MACROD2: variants seen among roughly 807,000 people sequenced by gnomAD.
MACROD2 encodes mono-ADP ribosylhydrolase 2, also known as ADP-ribose glycohydrolase MACROD2.
In MACROD2, 36 loss-of-function variants were observed where a neutral mutation model predicts 70.4. That is an observed-to-expected ratio of 0.51 (90% CI 0.39 to 0.68). MACROD2 has a LOEUF of 0.68. Among genes scored for constraint, MACROD2 ranks in the 30% least tolerant of loss-of-function variants. MACROD2 has a pLI of 0.00. For missense variants in MACROD2, 496 were observed against 538.4 expected (o/e 0.92, Z 0.78); for synonymous variants, 172 against 178.8 (o/e 0.96, Z 0.30).
At chr20:15,166,618 A>G (rs1056665826) in intron 5 of MACROD2, among the ~76,000 whole-genome samples, 1 of 152,178 alleles carries the variant, frequency 6.6e-6, no homozygotes, top group Non-Finnish European at 1.5e-5. Context: ...AAACAAAAAA[A>G]AAGTATAAAA....
At chr20:15,014,666 A>G (rs1197776950) in intron 5 of MACROD2, among the ~76,000 whole-genome samples, 2 of 152,082 alleles carry the variant, frequency 1.3e-5, no homozygotes, top group Non-Finnish European at 2.9e-5. Flanking sequence ...CTTCCAGTTA[A>G]TTGTGTGTGA....
intron 2 of MACROD2, among the ~76,000 whole-genome samples, chr20:14,077,938 T>G (rs2053936005): frequency 6.6e-6 from 1 of 151,080 alleles, no homozygotes; most frequent in Non-Finnish European, 1.5e-5. Context: ...GTTTCACTCC[T>G]GTTTCCCAGG....
At chr20:14,096,350 ATAAG>A (rs1488918483) in intron 3 of MACROD2, among the ~76,000 whole-genome samples, 1 of 150,494 alleles carries the variant, frequency 6.6e-6, no homozygotes, top group African/African-American at 2.5e-5. Flanking sequence ...GGACCTAGAT[ATAAG>A]TTATTTTACC....
intron 15 of MACROD2, among the ~76,000 whole-genome samples, chr20:16,034,518 C>T (rs6080101): frequency 0.32 from 49,185 of 151,704 alleles, 8,183 homozygotes; most frequent in East Asian, 0.49. Flanking sequence ...TTCTTCCATC[C>T]GAGCTTGGGA....
chr20:15,003,215 C>G (rs2075009273), intron 5 of MACROD2, among the ~76,000 whole-genome samples: 1 of 152,138 alleles, frequency 6.6e-6, no homozygotes, highest in Non-Finnish European at 1.5e-5. Context: ...TGGCATAATC[C>G]TATGAACCTC....
At chr20:14,940,853 T>G (rs1294790073) in intron 5 of MACROD2, among the ~76,000 whole-genome samples, 2 of 152,150 alleles carry the variant, frequency 1.3e-5, no homozygotes, top group Non-Finnish European at 2.9e-5. Flanking sequence ...GCCTGTAGTT[T>G]TCTTTGTTTG....
chr20:15,507,649 A>G (rs1161451333), intron 8 of MACROD2, among the ~76,000 whole-genome samples: 1 of 152,112 alleles, frequency 6.6e-6, no homozygotes, highest in African/African-American at 2.4e-5. Context: ...CTAATCCCCA[A>G]GGCAGCTTCT....
At chr20:14,485,106 C>T (rs2084706967) in intron 3 of MACROD2, among the ~76,000 whole-genome samples, 1 of 151,838 alleles carries the variant, frequency 6.6e-6, no homozygotes, top group Admixed American at 6.6e-5. Flanking sequence ...TATAAGGATC[C>T]CCTTTTTAAA....
At chr20:14,396,740 G>A (rs4814298) in intron 3 of MACROD2, among the ~76,000 whole-genome samples, 148,579 of 151,726 alleles carry the variant, frequency 0.98, 72,826 homozygotes, top group Middle Eastern at 1. Flanking sequence ...CCTGCCTAAC[G>A]CGGTGAAACC....
chr20:15,572,886 T>C (rs2048394660), intron 8 of MACROD2, among the ~76,000 whole-genome samples: 2 of 152,112 alleles, frequency 1.3e-5, no homozygotes, highest in Admixed American at 1.3e-4. Context: ...TGCAAGTAAA[T>C]CAATTTTTAA....
At chr20:14,862,618 TATATATATATAA>T (rs1485728014) in intron 5 of MACROD2, among the ~76,000 whole-genome samples, 2 of 15,238 alleles carry the variant, frequency 1.3e-4, no homozygotes, top group African/African-American at 2.1e-4. Flanking sequence ...TATATATAAA[TATATATATATAA>T]ATATATATAT....
intron 4 of MACROD2, among the ~76,000 whole-genome samples, chr20:14,663,059 A>G (rs912754276): frequency 3.3e-5 from 5 of 152,178 alleles, no homozygotes; most frequent in Non-Finnish European, 5.9e-5. Flanking sequence ...ACTATTCATA[A>G]TAGCAAACAC....
intron 3 of MACROD2, among the ~76,000 whole-genome samples, chr20:14,341,329 T>A (rs1387637850): frequency 1.3e-5 from 2 of 152,184 alleles, no homozygotes; most frequent in Non-Finnish European, 2.9e-5. Flanking sequence ...GAATAAAATC[T>A]TCAAAATTGT....
Position 15,184,401 on chromosome 20 carries a change from C to T in MACROD2, c.419-45539C>T, listed in dbSNP as rs140299966. ...TTTTACCCACATGTGTCAGTCAGAA[C>T]AGGGTAGTTGCTATAATAAACAACC... is the stretch of plus-strand genomic sequence containing the variant. On this transcript the variant is annotated intron_variant, in intron 5 of 17. Coordinates refer to ENST00000684519, the MANE Select transcript of MACROD2 (RefSeq NM_001351661.2). Among the ~76,000 whole-genome samples, 87 of 152,312 alleles carry T rather than the reference C, an allele frequency of 5.7e-4. 1 individual carries two copies. The highest frequency in any genetic ancestry group is 1.9e-3 in the African/African-American group (79 of 41,568).
chr20:14,234,266 A>T (rs532272783), intron 3 of MACROD2, among the ~76,000 whole-genome samples: 13 of 152,318 alleles, frequency 8.5e-5, no homozygotes, highest in Admixed American at 3.9e-4. Flanking sequence ...AAAAAAAGTT[A>T]AAAAACCATG....
chr20:15,364,643 G>T (rs1277540917), intron 6 of MACROD2, among the ~76,000 whole-genome samples: 5 of 152,138 alleles, frequency 3.3e-5, no homozygotes, highest in African/African-American at 1.2e-4. Context: ...AATGTGAATG[G>T]TCTCTCAAAT....
intron 5 of MACROD2, among the ~76,000 whole-genome samples, chr20:15,129,883 A>G (rs1202913046): frequency 6.6e-6 from 1 of 152,068 alleles, no homozygotes; most frequent in East Asian, 1.9e-4. Context: ...TGAGTCACTC[A>G]GGTGGGCAGA....
intron 12 of MACROD2, among the ~76,000 whole-genome samples, chr20:15,952,773 T>G (rs1485960577): frequency 1.3e-5 from 2 of 152,102 alleles, no homozygotes; most frequent in Admixed American, 1.3e-4. Context: ...TGGATGATAT[T>G]GTTTGTATTT....
In MACROD2 at chr20:15,986,733, A is replaced by C. The variant is rs1221827454; in HGVS notation, c.992A>C (p.Glu331Ala). Residue 331 changes from glutamate (E) to alanine (A), a missense_variant, in exon 14 of 18, where the codon GAG (glutamate) becomes GCG (alanine). Glu to Ala is a moderately radical substitution (Grantham distance 107). Coordinates refer to ENST00000684519, the MANE Select transcript of MACROD2 (RefSeq NM_001351661.2). ...CAATCACTGTTTTGAACAGGACAAG[A>C]GAATGATTCAACGAAGAATGAAATA... ...VRDQDHPDGQ[E>A]NDSTKNEIKI... The C allele has an allele frequency of 6.2e-7, 1 of 1,611,088 alleles. No individual in the cohort carries two copies. The highest frequency in any genetic ancestry group is 8.5e-7 in the Non-Finnish European group (1 of 1,177,252).
Sources: gnomAD v4.1 joint callset for allele counts (sites outside exome capture counted in the v4.1 genomes callset) on GRCh38, gnomAD v4.1.1 for gene constraint, MANE v1.5 for transcripts, NCBI Gene and HGNC (gene_info 2026-07-23, HGNC 2026-07-21) for gene names.